Variants in ZNF804A observed in about 807,000 individuals in gnomAD.
ZNF804A encodes zinc finger protein 804A.
A neutral mutation model predicts 16.5 loss-of-function variants in ZNF804A; 2 were observed. The observed-to-expected ratio is 0.12, with a 90% CI of 0.05 to 0.38. The LOEUF (loss-of-function observed/expected upper bound fraction) is 0.38, where lower values mean the gene tolerates loss of function less well. Ranked by LOEUF, ZNF804A falls within the 10% of genes least tolerant of loss-of-function variation. The probability of loss-of-function intolerance (pLI) is 0.99; values close to 1 mark genes in which losing one functional copy is unlikely to be tolerated. For missense variants in ZNF804A, 1,473 were observed against 1,390.7 expected (o/e 1.06, Z -0.94); for synonymous variants, 534 against 489.6 (o/e 1.09, Z -1.20).
chr2:184,849,493 C>T (rs756882682), intron 1 of ZNF804A, among the ~76,000 whole-genome samples: 4 of 151,800 alleles, frequency 2.6e-5, no homozygotes, highest in Non-Finnish European at 4.4e-5. Context: ...ATGCTCAATG[C>T]CACTAAACAT....
chr2:184,700,561 G>A (rs1178727872), intron 1 of ZNF804A, among the ~76,000 whole-genome samples: 1 of 152,002 alleles, frequency 6.6e-6, no homozygotes, highest in Non-Finnish European at 1.5e-5. Flanking sequence ...AATGACTTAT[G>A]AACTGACATT....
intron 1 of ZNF804A, among the ~76,000 whole-genome samples, chr2:184,830,110 CCACACACACACA>C (rs151005970): frequency 0.031 from 4,327 of 141,638 alleles, 97 homozygotes; most frequent in Admixed American, 0.045. Flanking sequence ...ACACACCCAC[CCACACACACACA>C]CACACACACA....
chr2:184,670,712 T>C (rs1444836681), intron 1 of ZNF804A, among the ~76,000 whole-genome samples: 1 of 152,178 alleles, frequency 6.6e-6, no homozygotes, highest in African/African-American at 2.4e-5. Context: ...TAAATTTACT[T>C]ATTTTAAACC....
At chr2:184,919,089 C>A (rs1477677253) in intron 2 of ZNF804A, among the ~76,000 whole-genome samples, 1 of 152,044 alleles carries the variant, frequency 6.6e-6, no homozygotes, top group Non-Finnish European at 1.5e-5. Context: ...GAAGTGAGTA[C>A]CTTGATTAGA....
chr2:184,938,599 C>G lies in ZNF804A; in HGVS notation c.3203C>G (p.Thr1068Ser), dbSNP rs371394894. 2.0e-5 allele frequency: 33 copies of G among 1,613,962 alleles called. No homozygotes were observed. Among genetic ancestry groups the G allele is most frequent in the Non-Finnish European group, 2.5e-5 (30 of 1,180,000 alleles). ...PNMLANKVKF[T>S]FPPAALPPPS... is the part of the protein sequence containing the mutation. ...ATGCTGGCCAACAAGGTTAAATTTACCTTTCCTCCAGCTGCCCTCCCACCC... is the reference window on the plus strand; with the variant it reads ...ATGCTGGCCAACAAGGTTAAATTTAGCTTTCCTCCAGCTGCCCTCCCACCC... Residue 1068 changes from threonine (T) to serine (S), a missense_variant, in exon 4 of 4, where the codon ACC becomes AGC. By Grantham distance (58) the Thr-to-Ser change is moderately conservative (BLOSUM62 1). Coordinates refer to ENST00000302277, the MANE Select transcript of ZNF804A (RefSeq NM_194250.2).
intron 1 of ZNF804A, among the ~76,000 whole-genome samples, chr2:184,802,850 T>C (rs1694747877): frequency 1.3e-5 from 2 of 152,192 alleles, no homozygotes; most frequent in Admixed American, 6.5e-5. Context: ...TAGGAGTCAT[T>C]ACTGTGTCCT....
chr2:184,692,008 A>G (rs1275027756), intron 1 of ZNF804A, among the ~76,000 whole-genome samples: 3 of 152,190 alleles, frequency 2.0e-5, no homozygotes. Flanking sequence ...ACTTTCTCTT[A>G]AAAGAAAGTT....
intron 1 of ZNF804A, among the ~76,000 whole-genome samples, chr2:184,679,528 G>C (rs565385200): frequency 6.6e-6 from 1 of 152,076 alleles, no homozygotes; most frequent in African/African-American, 2.4e-5. Flanking sequence ...CTGCACTCCC[G>C]GGGGCTCAGG....
intron 1 of ZNF804A, among the ~76,000 whole-genome samples, chr2:184,637,217 G>C (rs1691713700): frequency 6.6e-6 from 1 of 152,084 alleles, no homozygotes. Flanking sequence ...GGTTCCTTTA[G>C]AACTCCTGAT....
chr2:184,718,997 T>C (rs1268191211), intron 1 of ZNF804A, among the ~76,000 whole-genome samples: 1 of 152,150 alleles, frequency 6.6e-6, no homozygotes, highest in African/African-American at 2.4e-5. Flanking sequence ...TAGTAGAGGT[T>C]CTCCATGAGG....
chr2:184,934,311 T>A (rs1685751273), intron 3 of ZNF804A, among the ~76,000 whole-genome samples: 1 of 152,102 alleles, frequency 6.6e-6, no homozygotes, highest in Non-Finnish European at 1.5e-5. Flanking sequence ...GTGTTGTAAT[T>A]CAGACTTTAC....
At position 184,881,604 on chromosome 2, in the gene ZNF804A, TA is replaced by T. The variant is rs145853830; in HGVS notation, c.255+15093del. On this transcript the variant is annotated intron_variant, in intron 2 of 3. Transcript: ENST00000302277. ...AGAAACCTTAGAAGCTAGCAGAGAT[TA>T]GGGGTCTATATTCAGCATTCTTAAA... is the stretch of plus-strand genomic sequence containing the variant. Among the ~76,000 whole-genome samples, 397 of 152,196 alleles carry T rather than the reference TA, an allele frequency of 2.6e-3. 3 individuals carry two copies. Among genetic ancestry groups the T allele is most frequent in the African/African-American group, 9.1e-3 (380 of 41,548 alleles).
chr2:184,815,009 CT>C (rs1475783155), intron 1 of ZNF804A, among the ~76,000 whole-genome samples: 1 of 151,950 alleles, frequency 6.6e-6, no homozygotes, highest in African/African-American at 2.4e-5. Context: ...ACAAGAATAT[CT>C]TCTTTATAGA....
At chr2:184,791,961 T>A (rs541753775) in intron 1 of ZNF804A, among the ~76,000 whole-genome samples, 15 of 152,318 alleles carry the variant, frequency 9.8e-5, no homozygotes, top group Admixed American at 7.2e-4. Context: ...TTAAAGAATA[T>A]GTATTTTAGG....
At chr2:184,752,193 A>G (rs1284498050) in intron 1 of ZNF804A, among the ~76,000 whole-genome samples, 2 of 151,690 alleles carry the variant, frequency 1.3e-5, no homozygotes, top group Non-Finnish European at 3.0e-5. Flanking sequence ...TGTTCATTGC[A>G]GCAGTATTCA....
At chr2:184,891,628 T>C (rs1356591043) in intron 2 of ZNF804A, among the ~76,000 whole-genome samples, 1 of 152,152 alleles carries the variant, frequency 6.6e-6, no homozygotes, top group Non-Finnish European at 1.5e-5. Context: ...AAGGGTCCAC[T>C]TTTTTCTCTG....
intron 2 of ZNF804A, among the ~76,000 whole-genome samples, chr2:184,867,888 T>G (rs1416775709): frequency 6.6e-6 from 1 of 152,072 alleles, no homozygotes; most frequent in African/African-American, 2.4e-5. Context: ...ACTACACATA[T>G]GTCTCATTGT....
chr2:184,716,951 T>G (rs1032500903), intron 1 of ZNF804A, among the ~76,000 whole-genome samples: 1 of 152,168 alleles, frequency 6.6e-6, no homozygotes, highest in African/African-American at 2.4e-5. Flanking sequence ...CCAACTGTCC[T>G]CTTTTGACCA....
At chr2:184,907,136 C>T (rs1685288717) in intron 2 of ZNF804A, among the ~76,000 whole-genome samples, 1 of 152,184 alleles carries the variant, frequency 6.6e-6, no homozygotes, top group Admixed American at 6.5e-5. Context: ...GAGGAGAGAA[C>T]ACAGCCACTG....
Sources: gnomAD v4.1 joint callset for allele counts (sites outside exome capture counted in the v4.1 genomes callset) on GRCh38, gnomAD v4.1.1 for gene constraint, MANE v1.5 for transcripts, NCBI Gene and HGNC (gene_info 2026-07-23, HGNC 2026-07-21) for gene names.